Variants in DOCK2 observed in about 807,000 individuals in gnomAD.
DOCK2 encodes dedicator of cytokinesis protein 2.
Under a neutral mutation model 248.9 loss-of-function variants are expected in DOCK2, and 87 were observed. That is an observed-to-expected ratio of 0.35 (90% CI 0.29 to 0.42). The LOEUF is 0.42. DOCK2 is among the 10% of genes least tolerant of loss of function. The pLI is 1.00. For synonymous variants in DOCK2, 805 were observed against 821.6 expected (o/e 0.98, Z 0.35); for missense variants, 1,747 against 2,300.2 (o/e 0.76, Z 4.92).
chr5:169,937,374 C>T (rs1416428806), intron 27 of DOCK2, among the ~76,000 whole-genome samples: 2 of 152,196 alleles, frequency 1.3e-5, no homozygotes, highest in African/African-American at 2.4e-5. Context: ...TGAATAGATA[C>T]TTCCCACATC....
At chr5:170,081,665 C>A in intron 50 of DOCK2, 177 bp from the exon 51 acceptor site, 1 of 705,150 alleles carries the variant, frequency 1.4e-6, no homozygotes, top group Non-Finnish European at 2.3e-6. Flanking sequence ...TGCAAGAGGA[C>A]AGCTTCAATG....
rs1554123457 is a variant in DOCK2, at chr5:169,978,393, G to GTGTGT, written c.2800-4675_2800-4674insTGTGT. Among the ~76,000 whole-genome samples, 109 of 43,892 alleles carry GTGTGT rather than the reference G, an allele frequency of 2.5e-3. 1 individual carries two copies. The highest frequency in any genetic ancestry group is 9.2e-3 in the African/African-American group (100 of 10,902). The allele number at this position is 43,892 out of a possible 152,430, so 28.8% of individuals were successfully genotyped here. ...TCTGTGTATGTGTGTGTGTGTGTGT[G>GTGTGT]GGGGGGGGGGGGTGTAGGTGTGTTT... is the stretch of plus-strand genomic sequence containing the variant. On this transcript the variant is annotated intron_variant, in intron 27 of 51. Coordinates refer to ENST00000520908, the MANE Select transcript of DOCK2 (RefSeq NM_004946.3).
chr5:169,903,574 G>T (rs1044159141), intron 27 of DOCK2, among the ~76,000 whole-genome samples: 3 of 152,136 alleles, frequency 2.0e-5, no homozygotes, highest in African/African-American at 7.2e-5. Flanking sequence ...GGAGATGGGA[G>T]AAGGGAAGTC....
In DOCK2 at chr5:170,083,230, G is replaced by A. The variant is rs1758096360; in HGVS notation, c.*372G>A. ...GTCTCAGAACTTAACAGAAAAGGAA[G>A]CCTTTTAAATATTCTTTTTAATTTT... On this transcript the variant is annotated 3_prime_UTR_variant, in exon 52 of 52. Transcript: ENST00000520908. 5.5e-6 allele frequency: 1 copy of A among 181,826 alleles called. No homozygotes were observed. Among genetic ancestry groups the A allele is most frequent in the Admixed American group, 6.1e-5 (1 of 16,476 alleles). 11.3% of individuals were successfully genotyped at this position (181,826 alleles called of 1,614,324 possible).
At chr5:169,999,246 T>C (rs1332798817) in intron 30 of DOCK2, among the ~76,000 whole-genome samples, 5 of 152,224 alleles carry the variant, frequency 3.3e-5, no homozygotes, top group African/African-American at 1.2e-4. Flanking sequence ...GCTTGCAAGC[T>C]GAGTGACTTT....
At chr5:169,638,828 G>A (rs1032685735) in intron 1 of DOCK2, among the ~76,000 whole-genome samples, 11 of 152,160 alleles carry the variant, frequency 7.2e-5, no homozygotes, top group African/African-American at 2.4e-4. Context: ...AAGTAACCAA[G>A]TTTACATCAC....
At chr5:169,740,976 C>T (rs1395669402) in intron 22 of DOCK2, among the ~76,000 whole-genome samples, 1 of 152,116 alleles carries the variant, frequency 6.6e-6, no homozygotes, top group African/African-American at 2.4e-5. Context: ...GCTTTAACCA[C>T]AGGCATGCAC....
At chr5:170,039,944 T>C (rs1455445336) in intron 36 of DOCK2, among the ~76,000 whole-genome samples, 3 of 152,232 alleles carry the variant, frequency 2.0e-5, no homozygotes, top group African/African-American at 7.2e-5. Context: ...AGGTCACCGA[T>C]GCAGTGGTTC....
chr5:169,918,631 G>A (rs453091), intron 27 of DOCK2, among the ~76,000 whole-genome samples: 60,014 of 151,806 alleles, frequency 0.4, 12,452 homozygotes, highest in East Asian at 0.54. Flanking sequence ...ATGCAAACTA[G>A]ACCAGGTGCA....
intron 27 of DOCK2, among the ~76,000 whole-genome samples, chr5:169,897,337 A>G (rs1773670837): frequency 6.6e-6 from 1 of 151,954 alleles, no homozygotes; most frequent in Non-Finnish European, 1.5e-5. Context: ...GGCACACACC[A>G]CCACACCCAG....
intron 26 of DOCK2, among the ~76,000 whole-genome samples, chr5:169,819,725 C>T (rs549113432): frequency 1.1e-4 from 16 of 152,220 alleles, no homozygotes; most frequent in Non-Finnish European, 1.8e-4. Flanking sequence ...TCTGCCTTTC[C>T]AACTGAGGTA....
rs1353944306 is a variant in DOCK2, at chr5:170,079,082, G to A, written c.5102G>A (p.Arg1701Lys). ...PEVKLRRSKK[R>K]TKRSSVVFAD... ...GTCAAGCTGCGGAGGTCCAAGAAGA[G>A]GACAAAGAGAAGCAGCGTAGTTTTT... Residue 1701 changes from arginine (R) to lysine (K), a missense_variant, in exon 49 of 52, where the codon AGG (arginine) becomes AAG (lysine). Arg to Lys is a conservative substitution (Grantham distance 26, BLOSUM62 2). Around this residue, in one of 4 missense-constraint regions of DOCK2, gnomAD observed 513 missense variants for 586.1 expected, o/e 0.88. Coordinates refer to ENST00000520908, the MANE Select transcript of DOCK2 (RefSeq NM_004946.3). 4.3e-6 allele frequency: 7 copies of A among 1,614,164 alleles called. No individual in the cohort carries two copies. The South Asian group carries it at 6.6e-5, about 15-fold the overall frequency.
chr5:170,057,480 CG>C, intron 43 of DOCK2, 99 bp from the exon 44 acceptor site: 2 of 997,968 alleles, frequency 2.0e-6, no homozygotes, highest in East Asian at 2.5e-5. Context: ...ATGGGAGGCC[CG>C]GGGACCTGGC....
At chr5:169,966,688 G>C (rs1777312813) in intron 27 of DOCK2, among the ~76,000 whole-genome samples, 1 of 152,140 alleles carries the variant, frequency 6.6e-6, no homozygotes, top group Non-Finnish European at 1.5e-5. Flanking sequence ...CAAGTGGCAG[G>C]ACAGAGCTGA....
At position 169,764,195 on chromosome 5, in the gene DOCK2, TAAC is replaced by T. The variant is rs1764641340; in HGVS notation, c.2554+2571_2554+2573del. Reference sequence around the variant, plus strand: ...GATTTGCTTTGAGCCTGCACTCATTTAACTGCCAGATGTGCAAATTGCCTGGAG... The same window carrying T: ...GATTTGCTTTGAGCCTGCACTCATTTTGCCAGATGTGCAAATTGCCTGGAG... On this transcript the variant is annotated intron_variant, in intron 25 of 51. Transcript: ENST00000520908. The surrounding 1 kb of genome is among the most constrained non-coding windows in gnomAD (Gnocchi z 4.3). Among the ~76,000 whole-genome samples, 1 of 152,242 alleles carries T rather than the reference TAAC, an allele frequency of 6.6e-6. No individual in the cohort carries two copies. Among genetic ancestry groups the T allele is most frequent in the Admixed American group, 6.5e-5 (1 of 15,280 alleles).
At chr5:169,707,968 G>C (rs1727762109) in intron 14 of DOCK2, among the ~76,000 whole-genome samples, 1 of 152,206 alleles carries the variant, frequency 6.6e-6, no homozygotes, top group African/African-American at 2.4e-5. Context: ...GTAGTTAAGT[G>C]CCTGTCAGTC....
At chr5:170,028,740 AACACACACAC>A (rs59193270) in intron 34 of DOCK2, among the ~76,000 whole-genome samples, 106 of 148,758 alleles carry the variant, frequency 7.1e-4, no homozygotes, top group African/African-American at 2.5e-3. Flanking sequence ...CTGCTCTGCC[AACACACACAC>A]ACACACACAC....
rs533242208 is a variant in DOCK2, at chr5:169,658,341, G to A, written c.127+3855G>A. On this transcript the variant is annotated intron_variant, in intron 2 of 51. Coordinates refer to ENST00000520908, the MANE Select transcript of DOCK2 (RefSeq NM_004946.3). ...TAAAAATACAAAAAATTAGCCGGGC[G>A]TGGTGGCAGGTGCCTGTAGTCCCAG... Among the ~76,000 whole-genome samples, 345 of 151,918 alleles carry A rather than the reference G, an allele frequency of 2.3e-3. 1 individual carries two copies. Among genetic ancestry groups the A allele is most frequent in the African/African-American group, 7.1e-3 (296 of 41,444 alleles).
chr5:169,993,701 C>T (rs1251346644), intron 29 of DOCK2, among the ~76,000 whole-genome samples: 1 of 152,140 alleles, frequency 6.6e-6, no homozygotes, highest in Non-Finnish European at 1.5e-5. Context: ...CTCCACCCAC[C>T]GACTCTTGGA....
Sources: allele counts gnomAD v4.1 joint callset (sites outside exome capture counted in the v4.1 genomes callset), GRCh38; gene constraint gnomAD v4.1.1; regional missense constraint gnomAD v4.1.1; non-coding constraint Gnocchi (gnomAD v3.1); transcripts MANE v1.5; gene names NCBI Gene and HGNC (gene_info 2026-07-23, HGNC 2026-07-21).